The following PRKAG2 variants were observed in gnomAD, a reference collection of about 807,000 sequenced individuals.
PRKAG2 encodes the protein 5'-AMP-activated protein kinase subunit gamma-2.
In PRKAG2, 26 loss-of-function variants were observed where a neutral mutation model predicts 69.6. The observed-to-expected ratio is 0.37, with a 90% CI of 0.27 to 0.52. The LOEUF is 0.52. Among genes scored for constraint, PRKAG2 ranks in the 20% least tolerant of loss-of-function variants. The pLI is 0.90. For synonymous variants in PRKAG2, 293 were observed against 285.0 expected, an observed-to-expected ratio of 1.03 and a Z score of -0.28; for missense variants, 557 against 740.0, an observed-to-expected ratio of 0.75 and a Z score of 2.87.
At chr7:151,680,045 C>T (rs919126933) in intron 3 of PRKAG2, among the ~76,000 whole-genome samples, 3 of 152,030 alleles carry the variant, frequency 2.0e-5, no homozygotes, top group African/African-American at 7.2e-5. Context: ...CAGCAAGATC[C>T]TATCTCACAA....
At chr7:151,672,345 T>G (rs1832191779) in intron 4 of PRKAG2, among the ~76,000 whole-genome samples, 1 of 152,086 alleles carries the variant, frequency 6.6e-6, no homozygotes, top group Admixed American at 6.6e-5. Context: ...TCCACCCACT[T>G]CGGCCTCCCA....
chr7:151,714,610 A>G (rs926851387), intron 3 of PRKAG2, among the ~76,000 whole-genome samples: 5 of 152,224 alleles, frequency 3.3e-5, no homozygotes, highest in Admixed American at 2.0e-4. Flanking sequence ...GTTTCCTTTC[A>G]TTATAAAGAA....
At chr7:151,868,655 G>A (rs1252454928) in intron 1 of PRKAG2, among the ~76,000 whole-genome samples, 6 of 152,238 alleles carry the variant, frequency 3.9e-5, no homozygotes, top group African/African-American at 1.4e-4. Flanking sequence ...ACGTTCATTG[G>A]TCCCATTTTG....
At chr7:151,749,163 C>T (rs992624550) in intron 3 of PRKAG2, among the ~76,000 whole-genome samples, 1 of 151,544 alleles carries the variant, frequency 6.6e-6, no homozygotes, top group Non-Finnish European at 1.5e-5. Context: ...ATCCAAAGAT[C>T]AAACTCAGAA....
chr7:151,647,375 C>T lies in PRKAG2; in HGVS notation c.685-15237G>A, dbSNP rs553392165. On this transcript the variant is annotated intron_variant, in intron 4 of 15. Coordinates refer to ENST00000287878, the MANE Select transcript of PRKAG2 (RefSeq NM_016203.4). ...GGTATTCAATGAGATACAGGCCCGG[C>T]CCTCAGAAGGTTATATTCTAATTAG... is the stretch of plus-strand genomic sequence containing the variant. Among the ~76,000 whole-genome samples the T allele has an allele frequency of 3.3e-5, 5 of 152,270 alleles. No homozygotes were observed. In the South Asian group the frequency reaches 1.0e-3, roughly 32 times the overall value.
intron 3 of PRKAG2, among the ~76,000 whole-genome samples, chr7:151,724,744 C>A (rs529852833): frequency 6.6e-6 from 1 of 152,202 alleles, no homozygotes; most frequent in Non-Finnish European, 1.5e-5. Flanking sequence ...ACAAGTGCGG[C>A]TCTCCGCGCC....
intron 5 of PRKAG2, among the ~76,000 whole-genome samples, chr7:151,625,841 G>A (rs560036637): frequency 6.6e-6 from 1 of 152,300 alleles, no homozygotes; most frequent in East Asian, 1.9e-4. Flanking sequence ...CCGTGGAGGA[G>A]GGCACGACCT....
intron 5 of PRKAG2, among the ~76,000 whole-genome samples, chr7:151,618,256 C>T (rs1217903014): frequency 1.3e-5 from 2 of 151,886 alleles, no homozygotes; most frequent in Non-Finnish European, 2.9e-5. Context: ...AGTTCGAGAT[C>T]AGCCTGGCCA....
At chr7:151,815,188 CCCCAA>C (rs2078605162) in intron 1 of PRKAG2, among the ~76,000 whole-genome samples, 1 of 71,872 alleles carries the variant, frequency 1.4e-5, no homozygotes, top group Admixed American at 1.3e-4. Flanking sequence ...CACTCCATTC[CCCCAA>C]CTCCAACCAG....
At chr7:151,826,260 A>T (rs948693129) in intron 1 of PRKAG2, among the ~76,000 whole-genome samples, 6 of 151,812 alleles carry the variant, frequency 4.0e-5, no homozygotes, top group African/African-American at 1.5e-4. Flanking sequence ...GGCTCACTGC[A>T]ACTTCCACCT....
intron 8 of PRKAG2, among the ~76,000 whole-genome samples, chr7:151,573,839 C>T (rs1808266087): frequency 2.6e-5 from 4 of 152,094 alleles, no homozygotes; most frequent in African/African-American, 4.8e-5. Flanking sequence ...AGTGCAATGG[C>T]GCGATCTCGG....
Position 151,574,745 on chromosome 7 carries a change from A to G in PRKAG2, c.1005+146T>C, listed in dbSNP as rs569252577. The G allele has an allele frequency of 2.9e-4, 322 of 1,112,088 alleles. 1 individual carries two copies. In the African/African-American group the frequency reaches 4.8e-3, roughly 17 times the overall value. 68.9% of individuals were successfully genotyped at this position (1,112,088 alleles called of 1,614,324 possible). On this transcript the variant is annotated intron_variant, in intron 8 of 15. Transcript: ENST00000287878. ...TGTACTGAAGTTCCCTGCATGTTATATAGATTTGGAAAATCACCATCAGCA... is the reference window on the plus strand; with the variant it reads ...TGTACTGAAGTTCCCTGCATGTTATGTAGATTTGGAAAATCACCATCAGCA...
chr7:151,832,278 A>G (rs745910328), intron 1 of PRKAG2, among the ~76,000 whole-genome samples: 5,019 of 70,364 alleles, frequency 0.071, 124 homozygotes, highest in African/African-American at 0.097. Flanking sequence ...GGAGGAGGGA[A>G]GGAAGGGAGG....
chr7:151,864,816 C>T (rs1225385176), intron 1 of PRKAG2, among the ~76,000 whole-genome samples: 1 of 152,150 alleles, frequency 6.6e-6, no homozygotes, highest in Non-Finnish European at 1.5e-5. Context: ...TCACCCACAG[C>T]CCCTTAAAGC....
rs371840999 is a variant in PRKAG2, at chr7:151,824,957, CA to C, written c.115-38417del. On this transcript the variant is annotated intron_variant, in intron 1 of 15. Coordinates refer to ENST00000287878, the MANE Select transcript of PRKAG2 (RefSeq NM_016203.4). The stretch of plus-strand genomic sequence containing the variant: ...GGCGGGGCACGGTGGCTCATGCCTG[CA>C]GCCCTAGCACTTCGGGAGACTGAGG... Among the ~76,000 whole-genome samples the C allele has an allele frequency of 5.8e-3, 881 of 152,310 alleles. 11 individuals are homozygous for C. Among genetic ancestry groups the C allele is most frequent in the African/African-American group, 0.019 (772 of 41,560 alleles).
chr7:151,574,008 AC>A (rs1485298255), intron 8 of PRKAG2, among the ~76,000 whole-genome samples: 1 of 151,574 alleles, frequency 6.6e-6, no homozygotes, highest in African/African-American at 2.4e-5. Flanking sequence ...CCAACTCCTG[AC>A]CTCAAGTGAT....
chr7:151,592,791 G>C (rs901668739), intron 6 of PRKAG2, among the ~76,000 whole-genome samples: 3 of 152,146 alleles, frequency 2.0e-5, no homozygotes, highest in Non-Finnish European at 4.4e-5. Flanking sequence ...GTTGTTTTGG[G>C]TACGCGGCTA....
intron 3 of PRKAG2, among the ~76,000 whole-genome samples, chr7:151,768,756 T>C (rs759528347): frequency 3.3e-5 from 5 of 152,218 alleles, no homozygotes; most frequent in Non-Finnish European, 7.3e-5. Context: ...CGTGAGCCAC[T>C]GCACCTGGCC....
Position 151,877,071 on chromosome 7 carries a change from C to G in PRKAG2, c.-451G>C, listed in dbSNP as rs897563220. 2 of 235,590 alleles carry G rather than the reference C, an allele frequency of 8.5e-6. No homozygotes were observed. The highest frequency in any genetic ancestry group is 1.7e-5 in the Non-Finnish European group (2 of 116,602). 14.6% of individuals were successfully genotyped at this position (235,590 alleles called of 1,614,324 possible). ...CTGTGCCCAAGTGGGGAATCTGGAA[C>G]CAGTAAGCCCGTTCGTGCATAAATG... On this transcript the variant is annotated 5_prime_UTR_variant, in exon 1 of 16. Transcript: ENST00000287878.
Sources: allele counts gnomAD v4.1 joint callset (sites outside exome capture counted in the v4.1 genomes callset), GRCh38; gene constraint gnomAD v4.1.1; transcripts MANE v1.5; gene names NCBI Gene and HGNC (gene_info 2026-07-23, HGNC 2026-07-21).